The following CPA6 variants were observed in gnomAD, a reference collection of about 807,000 sequenced individuals.
CPA6 encodes the protein carboxypeptidase A6.
A neutral mutation model predicts 63.3 loss-of-function variants in CPA6; 58 were observed. The observed-to-expected ratio is 0.92, with a 90% CI of 0.74 to 1.14. The LOEUF is 1.14. Ranked by LOEUF, CPA6 falls within the 50% of genes most tolerant of loss-of-function variation. The pLI, the probability that CPA6 is intolerant of heterozygous loss-of-function variation, is 0.00. For missense variants in CPA6, 565 were observed against 526.6 expected (o/e 1.07, Z -0.71); for synonymous variants, 185 against 179.0 (o/e 1.03, Z -0.27).
intron 1 of CPA6, among the ~76,000 whole-genome samples, chr8:67,688,529 G>T (rs577741917): frequency 1.3e-5 from 2 of 152,262 alleles, no homozygotes; most frequent in East Asian, 3.9e-4. Flanking sequence ...CTGCCTTACT[G>T]TGGACTTTCT....
chr8:67,632,150 G>C (rs1043997236), intron 1 of CPA6, among the ~76,000 whole-genome samples: 15 of 17,618 alleles, frequency 8.5e-4, no homozygotes, highest in Non-Finnish European at 1.2e-3. Flanking sequence ...AAATGATGCT[G>C]TGTGTGTGTG....
chr8:67,604,769 C>T (rs1174072812), intron 2 of CPA6, among the ~76,000 whole-genome samples: 2 of 149,996 alleles, frequency 1.3e-5, no homozygotes, highest in Admixed American at 6.6e-5. Context: ...GTTCTATCAA[C>T]TTTGCGTTTT....
intron 1 of CPA6, among the ~76,000 whole-genome samples, chr8:67,684,293 GATT>G (rs1352571441): frequency 2.6e-5 from 4 of 152,014 alleles, no homozygotes; most frequent in African/African-American, 9.7e-5. Flanking sequence ...ATCAGCCACA[GATT>G]ATTGTCTGTC....
intron 1 of CPA6, among the ~76,000 whole-genome samples, chr8:67,667,780 TAGG>T (rs1438325292): frequency 2.0e-5 from 3 of 152,146 alleles, no homozygotes; most frequent in African/African-American, 4.8e-5. Flanking sequence ...CAGTATAGAA[TAGG>T]AGATTACTGT....
chr8:67,443,061 CCTATT>C (rs1810330291), intron 8 of CPA6, among the ~76,000 whole-genome samples: 1 of 145,038 alleles, frequency 6.9e-6, no homozygotes, highest in Non-Finnish European at 1.5e-5. Flanking sequence ...GCTGTCCTAG[CCTATT>C]CTTTTTTTTT....
intron 1 of CPA6, among the ~76,000 whole-genome samples, chr8:67,744,218 A>G (rs1817965295): frequency 1.3e-5 from 2 of 152,182 alleles, no homozygotes; most frequent in Admixed American, 1.3e-4. Flanking sequence ...CTTGTATTGC[A>G]ATGGTTGAGT....
Position 67,744,529 on chromosome 8 carries a change from C to T in CPA6, c.116+1485G>A, listed in dbSNP as rs570802924. The stretch of plus-strand genomic sequence containing the variant: ...TAACTTTTCACGGAGGAGTGCCACA[C>T]GCTGAAATAATTATGCACAGAGCCA... On this transcript the variant is annotated intron_variant, in intron 1 of 10. Transcript: ENST00000297770. Among the ~76,000 whole-genome samples the T allele has an allele frequency of 5.3e-5, 8 of 152,218 alleles. No individual in the cohort carries two copies. The East Asian group carries it at 5.8e-4, about 11-fold the overall frequency.
chr8:67,542,551 A>C (rs980226985), intron 2 of CPA6, among the ~76,000 whole-genome samples: 14 of 152,218 alleles, frequency 9.2e-5, no homozygotes, highest in Non-Finnish European at 2.9e-5. Context: ...AAATGTTCAA[A>C]TGCAGGTACA....
chr8:67,503,091 T>C (rs947357660), intron 6 of CPA6, among the ~76,000 whole-genome samples: 19 of 152,080 alleles, frequency 1.2e-4, no homozygotes, highest in South Asian at 8.3e-4. Context: ...CAGGCTGGAG[T>C]GTAGTGGCAT....
chr8:67,658,294 T>A (rs1816034603), intron 1 of CPA6, among the ~76,000 whole-genome samples: 1 of 152,200 alleles, frequency 6.6e-6, no homozygotes. Flanking sequence ...TATGACTGTC[T>A]CCCTGGCTGC....
chr8:67,637,587 A>G (rs914063351), intron 1 of CPA6, among the ~76,000 whole-genome samples: 3 of 151,512 alleles, frequency 2.0e-5, no homozygotes, highest in Non-Finnish European at 4.4e-5. Flanking sequence ...AAATTATTCC[A>G]TGCAAGTTTC....
At chr8:67,688,936 G>T (rs1816760212) in intron 1 of CPA6, among the ~76,000 whole-genome samples, 1 of 151,736 alleles carries the variant, frequency 6.6e-6, no homozygotes, top group African/African-American at 2.4e-5. Flanking sequence ...TCTCAGATTC[G>T]AATATACCAT....
At chr8:67,587,968 C>G (rs116684086) in intron 2 of CPA6, among the ~76,000 whole-genome samples, 2,773 of 152,224 alleles carry the variant, frequency 0.018, 33 homozygotes, top group African/African-American at 0.036. Context: ...AATAGGCTAA[C>G]AGTTTCAATG....
At chr8:67,587,771 A>G (rs1408559639) in intron 2 of CPA6, among the ~76,000 whole-genome samples, 1 of 152,144 alleles carries the variant, frequency 6.6e-6, no homozygotes, top group Non-Finnish European at 1.5e-5. Flanking sequence ...CTAATTGTGT[A>G]AAGACATAGT....
chr8:67,709,974 A>G (rs1817219734), intron 1 of CPA6, among the ~76,000 whole-genome samples: 3 of 152,070 alleles, frequency 2.0e-5, no homozygotes, highest in Admixed American at 2.0e-4. Context: ...TTAGCTGGGC[A>G]TGGTGGTGCG....
chr8:67,653,701 G>C (rs1815906955), intron 1 of CPA6, among the ~76,000 whole-genome samples: 1 of 152,114 alleles, frequency 6.6e-6, no homozygotes, highest in Non-Finnish European at 1.5e-5. Flanking sequence ...TGGACAATTT[G>C]ACTTCCTCTT....
chr8:67,657,293 G>T (rs560989906), intron 1 of CPA6, among the ~76,000 whole-genome samples: 1 of 152,226 alleles, frequency 6.6e-6, no homozygotes, highest in East Asian at 1.9e-4. Context: ...ACTTGTGATT[G>T]TGAATAGGAA....
intron 6 of CPA6, among the ~76,000 whole-genome samples, chr8:67,506,491 T>C (rs3824270): frequency 0.08 from 12,198 of 152,226 alleles, 1,203 homozygotes; most frequent in African/African-American, 0.23. Flanking sequence ...AGCTGTGCCA[T>C]ATATGCATTG....
At chr8:67,430,363 A>G (rs1810000931) in intron 9 of CPA6, among the ~76,000 whole-genome samples, 1 of 151,842 alleles carries the variant, frequency 6.6e-6, no homozygotes, top group Non-Finnish European at 1.5e-5. Context: ...TATTTTTAGT[A>G]GAGATGGGGT....
Sources: gnomAD v4.1 joint callset for allele counts (sites outside exome capture counted in the v4.1 genomes callset) on GRCh38, gnomAD v4.1.1 for gene constraint, MANE v1.5 for transcripts, NCBI Gene and HGNC (gene_info 2026-07-23, HGNC 2026-07-21) for gene names.